DLGAP2: variants seen among roughly 807,000 people sequenced by gnomAD.
The protein encoded by DLGAP2 is disks large-associated protein 2.
DLGAP2 carries 26 observed loss-of-function variants against 100.3 expected under a neutral mutation model. The ratio of observed to expected loss-of-function variants is 0.26; its 90% confidence interval spans 0.19 to 0.36. The LOEUF (loss-of-function observed/expected upper bound fraction) is 0.36, where lower values mean the gene tolerates loss of function less well. Ranked by LOEUF, DLGAP2 falls within the 10% of genes least tolerant of loss-of-function variation. DLGAP2 has a pLI of 1.00. For synonymous variants in DLGAP2, 886 were observed against 630.1 expected, an observed-to-expected ratio of 1.41 and a Z score of -6.08; for missense variants, 1,858 against 1,453.2, an observed-to-expected ratio of 1.28 and a Z score of -4.53.
chr8:1,476,370 A>G (rs1798930516), intron 3 of DLGAP2, among the ~76,000 whole-genome samples: 1 of 152,106 alleles, frequency 6.6e-6, no homozygotes, highest in African/African-American at 2.4e-5. Flanking sequence ...CTGCATCACA[A>G]AGTAAATCTA....
At chr8:1,695,994 C>T (rs931138278) in intron 13 of DLGAP2, among the ~76,000 whole-genome samples, 12 of 152,212 alleles carry the variant, frequency 7.9e-5, no homozygotes, top group Admixed American at 1.3e-4. Flanking sequence ...TGGGCTCAGC[C>T]GCGCGGAGGG....
chr8:1,058,172 C>T (rs986138031), intron 2 of DLGAP2, among the ~76,000 whole-genome samples: 17 of 151,074 alleles, frequency 1.1e-4, no homozygotes, highest in East Asian at 2.0e-4. Context: ...TCTGGGGGCG[C>T]GGCCGGATTG....
At chr8:1,052,044 A>G (rs1802729703) in intron 2 of DLGAP2, among the ~76,000 whole-genome samples, 1 of 152,190 alleles carries the variant, frequency 6.6e-6, no homozygotes, top group Non-Finnish European at 1.5e-5. Context: ...AACCAGGCTC[A>G]ACACGCCTGC....
At chr8:1,594,690 C>G (rs2472074) in intron 6 of DLGAP2, among the ~76,000 whole-genome samples, 1 of 152,170 alleles carries the variant, frequency 6.6e-6, no homozygotes, top group African/African-American at 2.4e-5. Context: ...TCCCAAAGTG[C>G]TGGGATTACA....
chr8:1,094,579 T>C (rs976527176), intron 2 of DLGAP2, among the ~76,000 whole-genome samples: 5 of 152,258 alleles, frequency 3.3e-5, no homozygotes, highest in Non-Finnish European at 5.9e-5. Context: ...CTTGTTTCTA[T>C]GGCGACAGCG....
intron 1 of DLGAP2, among the ~76,000 whole-genome samples, chr8:857,843 A>G (rs539017950): frequency 4.6e-5 from 7 of 151,170 alleles, no homozygotes; most frequent in Admixed American, 4.6e-4. Context: ...ATACTTGAAA[A>G]CTTCTGTTCA....
At chr8:1,196,275 T>A (rs12676586) in intron 2 of DLGAP2, among the ~76,000 whole-genome samples, 67,285 of 152,078 alleles carry the variant, frequency 0.44, 15,021 homozygotes, top group Middle Eastern at 0.6. Context: ...CTGCATAGAG[T>A]AAAGCATTTG....
intron 8 of DLGAP2, among the ~76,000 whole-genome samples, chr8:1,640,500 G>A (rs117003312): frequency 6.6e-6 from 1 of 152,138 alleles, no homozygotes; most frequent in East Asian, 1.9e-4. Context: ...CTTCCCAGCC[G>A]CTCAGGATGT....
chr8:943,553 C>T (rs544445799), intron 2 of DLGAP2, among the ~76,000 whole-genome samples: 17 of 151,944 alleles, frequency 1.1e-4, no homozygotes, highest in African/African-American at 4.1e-4. Context: ...GTGTGGACGT[C>T]GTGATGTGGC....
At chr8:983,606 G>A (rs547752178) in intron 2 of DLGAP2, among the ~76,000 whole-genome samples, 4 of 152,310 alleles carry the variant, frequency 2.6e-5, no homozygotes, top group Non-Finnish European at 5.9e-5. Flanking sequence ...GGGTGACTCT[G>A]AAGATAAAAA....
intron 8 of DLGAP2, among the ~76,000 whole-genome samples, chr8:1,667,525 C>T (rs991901126): frequency 2.0e-5 from 3 of 152,146 alleles, no homozygotes; most frequent in African/African-American, 7.2e-5. Flanking sequence ...TATAGGGAAG[C>T]AAGTAAGTTT....
At chr8:1,438,281 A>G (rs903609397) in intron 3 of DLGAP2, among the ~76,000 whole-genome samples, 1 of 152,218 alleles carries the variant, frequency 6.6e-6, no homozygotes, top group Non-Finnish European at 1.5e-5. Flanking sequence ...CAACCATGTC[A>G]TGGATATGAG....
chr8:839,316 A>G (rs1796938921), intron 1 of DLGAP2, among the ~76,000 whole-genome samples: 1 of 152,232 alleles, frequency 6.6e-6, no homozygotes, highest in Non-Finnish European at 1.5e-5. Context: ...AGTAGCCAAG[A>G]TATAGAATCA....
chr8:1,085,721 C>T (rs147216109), intron 2 of DLGAP2, among the ~76,000 whole-genome samples: 1 of 152,144 alleles, frequency 6.6e-6, no homozygotes, highest in Non-Finnish European at 1.5e-5. Flanking sequence ...AGCTTTGCTA[C>T]TTTTGCTCAT....
chr8:926,379 C>T (rs1798816060), intron 2 of DLGAP2, among the ~76,000 whole-genome samples: 1 of 152,220 alleles, frequency 6.6e-6, no homozygotes, highest in African/African-American at 2.4e-5. Context: ...CTTCCCAGTG[C>T]ACCTGTGTGG....
At chr8:1,469,476 A>G (rs1798719369) in intron 3 of DLGAP2, among the ~76,000 whole-genome samples, 1 of 152,228 alleles carries the variant, frequency 6.6e-6, no homozygotes, top group South Asian at 2.1e-4. Flanking sequence ...CCTGTGCAGG[A>G]GAGGTTTCTT....
chr8:1,507,958 C>G (rs1002330137), intron 4 of DLGAP2, among the ~76,000 whole-genome samples: 2 of 150,568 alleles, frequency 1.3e-5, no homozygotes, highest in African/African-American at 5.0e-5. Flanking sequence ...ACTGTGACAT[C>G]AAACACGTGG....
chr8:955,252 C>G (rs1469160290), intron 2 of DLGAP2, among the ~76,000 whole-genome samples: 1 of 152,124 alleles, frequency 6.6e-6, no homozygotes, highest in Non-Finnish European at 1.5e-5. Flanking sequence ...GCACATTTGC[C>G]TCTTCACCTC....
At chr8:1,219,513 T>C (rs1166107118) in intron 2 of DLGAP2, among the ~76,000 whole-genome samples, 1 of 152,164 alleles carries the variant, frequency 6.6e-6, no homozygotes, top group African/African-American at 2.4e-5. Context: ...CTGGATTTGA[T>C]TTGTTAGTAT....
Sources: gnomAD v4.1 joint callset for allele counts (sites outside exome capture counted in the v4.1 genomes callset) on GRCh38, gnomAD v4.1.1 for gene constraint, MANE v1.5 for transcripts, NCBI Gene and HGNC (gene_info 2026-07-23, HGNC 2026-07-21) for gene names.